HAUS2: variants seen among roughly 807,000 people sequenced by gnomAD.
HAUS2 encodes HAUS augmin-like complex subunit 2.
In HAUS2, 20 loss-of-function variants were observed where a neutral mutation model predicts 21.6. The ratio of observed to expected loss-of-function variants is 0.93; its 90% CI spans 0.65 to 1.35. HAUS2 has a LOEUF of 1.35. Ranked by LOEUF, HAUS2 falls within the 40% of genes most tolerant of loss-of-function variation. HAUS2 has a pLI of 0.00. For synonymous variants in HAUS2, 113 were observed against 95.6 expected, an observed-to-expected ratio of 1.18 and a Z score of -1.06; for missense variants, 297 against 280.7, an observed-to-expected ratio of 1.06 and a Z score of -0.42.
At chr15:42,561,501 A>G in intron 4 of HAUS2, 99 bp downstream of exon 4, 1 of 757,068 alleles carries the variant, frequency 1.3e-6, no homozygotes, top group Non-Finnish European at 2.3e-6. Flanking sequence ...ACAATTAGTG[A>G]TTGTATTTGT....
chr15:42,552,755 A>G (rs2057738207), intron 1 of HAUS2, among the ~76,000 whole-genome samples: 1 of 152,166 alleles, frequency 6.6e-6, no homozygotes, highest in South Asian at 2.1e-4. Context: ...TGGATCTACC[A>G]AAAAACCCAC....
At position 42,553,431 on chromosome 15, in the gene HAUS2, G is replaced by C. The variant is rs2057744112; in HGVS notation, c.93+4466G>C. On this transcript the variant is annotated intron_variant, in intron 1 of 5. Transcript: ENST00000260372. Reference sequence around the variant, plus strand: ...GTAATAGCAATATATAGTAACAATAGCTAAAGGAAAAGACTTTTCTGTATT... The same window carrying C: ...GTAATAGCAATATATAGTAACAATACCTAAAGGAAAAGACTTTTCTGTATT... 2.6e-5 allele frequency among the ~76,000 whole-genome samples: 4 copies of C among 151,536 alleles called. No homozygotes were observed. The South Asian group carries it at 8.3e-4, about 32-fold the overall frequency.
chr15:42,550,305 A>G (rs1040366825), intron 1 of HAUS2, among the ~76,000 whole-genome samples: 1 of 149,082 alleles, frequency 6.7e-6, no homozygotes. Context: ...AAAAAAAAGC[A>G]CTACAAACAT....
intron 5 of HAUS2, among the ~76,000 whole-genome samples, 179 bp downstream of exon 5, chr15:42,564,036 C>T (rs1488358082): frequency 1.3e-5 from 2 of 152,144 alleles, no homozygotes; most frequent in East Asian, 1.9e-4. Flanking sequence ...GAGGCCACAA[C>T]GGGTGGATCA....
intron 4 of HAUS2, chr15:42,561,652 T>G: frequency 2.8e-6 from 1 of 358,572 alleles, no homozygotes; most frequent in East Asian, 4.7e-5. Flanking sequence ...ATTAGATCCA[T>G]AACATGTAAC....
At chr15:42,561,432 A>C (rs778076470) in intron 4 of HAUS2, 30 bp downstream of exon 4, 1 of 1,499,050 alleles carries the variant, frequency 6.7e-7, no homozygotes, top group Non-Finnish European at 9.3e-7. Flanking sequence ...ATTAACAGTT[A>C]CACCTGTTTT....
At chr15:42,553,702 C>T (rs1441664784) in intron 1 of HAUS2, among the ~76,000 whole-genome samples, 1 of 152,168 alleles carries the variant, frequency 6.6e-6, no homozygotes, top group Admixed American at 6.6e-5. Flanking sequence ...AGCACCATTA[C>T]TCTATTGTTG....
chr15:42,553,551 T>G (rs1377667089), intron 1 of HAUS2, among the ~76,000 whole-genome samples: 1 of 151,940 alleles, frequency 6.6e-6, no homozygotes, highest in Non-Finnish European at 1.5e-5. Context: ...TTATGGAAAA[T>G]AAGCCTCCAC....
intron 1 of HAUS2, among the ~76,000 whole-genome samples, chr15:42,553,238 G>A (rs2057742731): frequency 6.6e-6 from 1 of 151,962 alleles, no homozygotes; most frequent in African/African-American, 2.4e-5. Context: ...ACCTGCCTCG[G>A]CCTCCCAAAG....
intron 5 of HAUS2, among the ~76,000 whole-genome samples, chr15:42,565,932 A>G (rs998442899): frequency 2.6e-5 from 4 of 152,080 alleles, no homozygotes; most frequent in Non-Finnish European, 5.9e-5. Flanking sequence ...GCTGGGCGCA[A>G]TGGCTCACAC....
At chr15:42,556,090 G>C (rs890946721) in intron 1 of HAUS2, among the ~76,000 whole-genome samples, 8 of 151,178 alleles carry the variant, frequency 5.3e-5, no homozygotes, top group South Asian at 2.1e-4. Context: ...TGACTAGCTG[G>C]GATTACAGGC....
At position 42,564,269 on chromosome 15, in the gene HAUS2, A is replaced by T. The variant is rs1019496920; in HGVS notation, c.498+412A>T. Reference sequence around the variant, plus strand: ...CGACAGCAAGACTCCATCTCCCATTAAAAAAAAAAAAAAAAAAGAAGAAGA... The same window carrying T: ...CGACAGCAAGACTCCATCTCCCATTTAAAAAAAAAAAAAAAAAGAAGAAGA... On this transcript the variant is annotated intron_variant, in intron 5 of 5. Transcript: ENST00000260372. 4.3e-3 allele frequency among the ~76,000 whole-genome samples: 524 copies of T among 120,958 alleles called. 5 individuals carry two copies. Among genetic ancestry groups the T allele is most frequent in the African/African-American group, 0.019 (498 of 26,320 alleles). 79.4% of individuals were successfully genotyped at this position (120,958 alleles called of 152,430 possible). A position where few individuals can be genotyped will look rare whatever the true frequency, so the allele number is the denominator to read the frequency against.
At chr15:42,555,859 A>G (rs2057767405) in intron 1 of HAUS2, among the ~76,000 whole-genome samples, 1 of 152,202 alleles carries the variant, frequency 6.6e-6, no homozygotes, top group South Asian at 2.1e-4. Context: ...GGTTGTATAA[A>G]AGCAGCCAGA....
At chr15:42,554,909 C>T (rs890732846) in intron 1 of HAUS2, among the ~76,000 whole-genome samples, 5 of 151,908 alleles carry the variant, frequency 3.3e-5, no homozygotes, top group African/African-American at 1.2e-4. Flanking sequence ...CTCACTACAG[C>T]CTCAATCTCC....
intron 3 of HAUS2, chr15:42,560,853 A>G (rs548762056): frequency 1.4e-6 from 1 of 702,114 alleles, no homozygotes; most frequent in South Asian, 1.5e-5. Context: ...TCAGTCTCCC[A>G]AAACACTGCG....
At chr15:42,555,577 AC>A (rs1465294075) in intron 1 of HAUS2, among the ~76,000 whole-genome samples, 3 of 152,066 alleles carry the variant, frequency 2.0e-5, no homozygotes, top group Non-Finnish European at 2.9e-5. Context: ...GCTACATCTT[AC>A]CCCTCTTTTC....
intron 5 of HAUS2, among the ~76,000 whole-genome samples, chr15:42,565,003 T>C (rs2057892045): frequency 6.6e-6 from 1 of 152,058 alleles, no homozygotes; most frequent in Non-Finnish European, 1.5e-5. Context: ...ACCTGGCTAA[T>C]AGTTTGTATT....
At chr15:42,558,653 A>C (rs933566314) in intron 2 of HAUS2, among the ~76,000 whole-genome samples, 1 of 151,788 alleles carries the variant, frequency 6.6e-6, no homozygotes, top group African/African-American at 2.4e-5. Context: ...TACTCCTAGT[A>C]TAGGAAAACA....
Position 42,558,176 on chromosome 15 carries a change from T to G in HAUS2, c.94-22T>G, listed in dbSNP as rs1322142333. ...AAACTTTTTGTGACATTCTGCTACT[T>G]TCCTTATTCATTTACCAATAGGAGA... On this transcript the variant is annotated intron_variant, in intron 1 of 5. Transcript: ENST00000260372. The G allele has an allele frequency of 3.8e-6, 4 of 1,048,844 alleles. No homozygotes were observed. In the South Asian group the frequency reaches 5.4e-5, roughly 14 times the overall value. 65.0% of individuals were successfully genotyped at this position (1,048,844 alleles called of 1,614,324 possible).
Sources: allele counts gnomAD v4.1 joint callset (sites outside exome capture counted in the v4.1 genomes callset), GRCh38; gene constraint gnomAD v4.1.1; transcripts MANE v1.5; gene names NCBI Gene and HGNC (gene_info 2026-07-23, HGNC 2026-07-21).